Variants in ENTPD6 observed in about 807,000 individuals in gnomAD.
ENTPD6 encodes CD39 antigen-like 2.
ENTPD6 carries 46 observed loss-of-function variants against 61.5 expected under a neutral mutation model. The ratio of observed to expected loss-of-function variants is 0.75; its 90% CI spans 0.59 to 0.96. ENTPD6 has a LOEUF of 0.96. Ranked by LOEUF, ENTPD6 falls within the 40% of genes least tolerant of loss-of-function variation. ENTPD6 has a pLI of 0.00. For synonymous variants in ENTPD6, 252 were observed against 255.5 expected (o/e 0.99, Z 0.13); for missense variants, 612 against 629.0 (o/e 0.97, Z 0.29).
chr20:25,207,267 G>T lies in ENTPD6; in HGVS notation c.246G>T (p.Arg82=). ...TCACCAGGGCAGCCCCGGGGGCCCG[G>T]TGGGGTCAGCAGGCCCACAGCCCCC... ...FSITRAAPGA[R]WGQQAHSPLG... The change falls in exon 3 of 15, where the codon CGG becomes CGT. Residue 82 remains arginine, a synonymous_variant. Transcript: ENST00000376652. The T allele has an allele frequency of 6.2e-7, 1 of 1,613,626 alleles. No homozygotes were observed. Among genetic ancestry groups the T allele is most frequent in the Non-Finnish European group, 8.5e-7 (1 of 1,179,732 alleles).
intron 1 of ENTPD6, among the ~76,000 whole-genome samples, chr20:25,200,117 C>G (rs1254323727): frequency 6.6e-6 from 1 of 152,210 alleles, no homozygotes; most frequent in Non-Finnish European, 1.5e-5. Context: ...CCAGTTTCTC[C>G]ACATCCTCAC....
chr20:25,223,874 G>A, intron 12 of ENTPD6: 1 of 406,688 alleles, frequency 2.5e-6, no homozygotes. Flanking sequence ...GACACTGCAG[G>A]GTTGGGTTGT....
chr20:25,201,705 A>G (rs759175570), intron 1 of ENTPD6, among the ~76,000 whole-genome samples: 59 of 152,300 alleles, frequency 3.9e-4, no homozygotes, highest in Non-Finnish European at 7.5e-4. Flanking sequence ...TTTGAACAAC[A>G]TGGGTTAGGG....
intron 11 of ENTPD6, chr20:25,222,461 AGGG>A: frequency 1.1e-5 from 2 of 186,966 alleles, no homozygotes; most frequent in Admixed American, 1.1e-4. Flanking sequence ...TCTATGACAT[AGGG>A]AGGGTGCAGG....
At position 25,214,937 on chromosome 20, in the gene ENTPD6, A is replaced by G; in HGVS notation, c.668A>G (p.Asp223Gly). ...TGTGTTTCCATCATGAACGGAACAG[A>G]TGAAGGTAAATGGCTGGAAGCACCT... ...DDCVSIMNGT[D>G]EGVSAWITIN... The change falls in exon 6 of 15, where the codon GAT becomes GGT. Residue 223 changes from aspartate to glycine, a missense_variant. By Grantham distance (94) the Asp-to-Gly change is moderately conservative. Coordinates refer to ENST00000376652, the MANE Select transcript of ENTPD6 (RefSeq NM_001247.5). The G allele has an allele frequency of 6.2e-7, 1 of 1,606,626 alleles. No individual in the cohort carries two copies. The highest frequency in any genetic ancestry group is 8.5e-7 in the Non-Finnish European group (1 of 1,173,152).
At chr20:25,219,913 G>A (rs2092554477) in intron 10 of ENTPD6, among the ~76,000 whole-genome samples, 1 of 152,168 alleles carries the variant, frequency 6.6e-6, no homozygotes, top group Admixed American at 6.5e-5. Context: ...CAAAAACCAT[G>A]TCTATGTCTC....
intron 1 of ENTPD6, among the ~76,000 whole-genome samples, chr20:25,204,470 T>TTA (rs10534876): frequency 0.026 from 3,966 of 150,108 alleles, 64 homozygotes; most frequent in African/African-American, 0.045. Context: ...TTACAAAGCT[T>TTA]TATATATATA....
At chr20:25,216,435 C>T (rs2092316699) in intron 7 of ENTPD6, among the ~76,000 whole-genome samples, 1 of 152,194 alleles carries the variant, frequency 6.6e-6, no homozygotes, top group African/African-American at 2.4e-5. Flanking sequence ...AAGGTTCATG[C>T]TGTCCCATCA....
chr20:25,205,546 A>G (rs1288337605), intron 1 of ENTPD6, among the ~76,000 whole-genome samples: 2 of 152,154 alleles, frequency 1.3e-5, no homozygotes, highest in African/African-American at 2.4e-5. Context: ...AGGCCCAGGC[A>G]GAGGCTGCAA....
At chr20:25,213,153 A>G (rs1241535537) in intron 4 of ENTPD6, 110 bp from the exon 5 acceptor site, 14 of 1,271,354 alleles carry the variant, frequency 1.1e-5, no homozygotes, top group Non-Finnish European at 1.6e-5. Flanking sequence ...TGGGCAACAC[A>G]GTGAGACTCT....
At position 25,224,308 on chromosome 20, in the gene ENTPD6, C is replaced by T. The variant is rs1011529101; in HGVS notation, c.1243+151C>T. 10 of 577,718 alleles carry T rather than the reference C, an allele frequency of 1.7e-5. No homozygotes were observed. In the African/African-American group the frequency reaches 1.9e-4, roughly 11 times the overall value. The allele number at this position is 577,718 out of a possible 1,614,324, so 35.8% of individuals were successfully genotyped here. On this transcript the variant is annotated intron_variant, in intron 13 of 14. Coordinates refer to ENST00000376652, the MANE Select transcript of ENTPD6 (RefSeq NM_001247.5). The stretch of plus-strand genomic sequence containing the variant: ...GCCCCAGCTGAGAAAGGACCACCGT[C>T]CTTGTCCCACCCTCATGGGGTCGTG...
chr20:25,203,763 A>G (rs936150533), intron 1 of ENTPD6, among the ~76,000 whole-genome samples: 1 of 151,962 alleles, frequency 6.6e-6, no homozygotes, highest in East Asian at 1.9e-4. Context: ...CTGCCACTTC[A>G]TTTTCTTCCT....
At chr20:25,216,340 T>C (rs1022905320) in intron 7 of ENTPD6, among the ~76,000 whole-genome samples, 2 of 152,196 alleles carry the variant, frequency 1.3e-5, no homozygotes, top group African/African-American at 4.8e-5. Flanking sequence ...GGAGATGGGC[T>C]GATCAGAGCA....
intron 11 of ENTPD6, 145 bp from the exon 12 acceptor site, chr20:25,222,693 T>G (rs1386222889): frequency 1.9e-6 from 2 of 1,062,280 alleles, no homozygotes; most frequent in Non-Finnish European, 2.7e-6. Flanking sequence ...CAGCCCCAAC[T>G]TGGGGTGGGG....
chr20:25,209,302 G>A (rs1011627474), intron 3 of ENTPD6, among the ~76,000 whole-genome samples: 3 of 151,584 alleles, frequency 2.0e-5, no homozygotes, highest in Non-Finnish European at 2.9e-5. Flanking sequence ...AGTAGAGATG[G>A]GGTTTCACCA....
chr20:25,216,637 C>T lies in ENTPD6; in HGVS notation c.710-11C>T, dbSNP rs763972875. On this transcript the variant is annotated splice_polypyrimidine_tract_variant and intron_variant, in intron 7 of 14. Coordinates refer to ENST00000376652, the MANE Select transcript of ENTPD6 (RefSeq NM_001247.5). Reference sequence around the variant, plus strand: ...AATGCCCCTGTGCTGTTTTTGCTTGCTGTGCTCCAGGCAGCTTGAAAACTC... The same window carrying T: ...AATGCCCCTGTGCTGTTTTTGCTTGTTGTGCTCCAGGCAGCTTGAAAACTC... 8.8e-5 allele frequency: 140 copies of T among 1,590,244 alleles called. 1 individual carries two copies. In the East Asian group the frequency reaches 3.0e-3, roughly 34 times the overall value.
At chr20:25,205,773 G>A (rs1450526351) in intron 1 of ENTPD6, among the ~76,000 whole-genome samples, 1 of 152,204 alleles carries the variant, frequency 6.6e-6, no homozygotes, top group Non-Finnish European at 1.5e-5. Context: ...GGGCACTGTG[G>A]CAGTGCTTGT....
intron 1 of ENTPD6, 126 bp downstream of exon 1, chr20:25,195,993 C>A: frequency 1.2e-6 from 1 of 869,052 alleles, no homozygotes; most frequent in Non-Finnish European, 1.5e-6. Flanking sequence ...CGGGTCCCAC[C>A]TCCTGCTGCC....
At chr20:25,196,749 C>T (rs745313762) in intron 1 of ENTPD6, among the ~76,000 whole-genome samples, 1 of 152,204 alleles carries the variant, frequency 6.6e-6, no homozygotes, top group Non-Finnish European at 1.5e-5. Flanking sequence ...CTCTTCCTCC[C>T]ACCCGCTGTG....
Sources: gnomAD v4.1 joint callset for allele counts (sites outside exome capture counted in the v4.1 genomes callset) on GRCh38, gnomAD v4.1.1 for gene constraint, MANE v1.5 for transcripts, NCBI Gene and HGNC (gene_info 2026-07-23, HGNC 2026-07-21) for gene names.